Variants in GPHN observed in about 807,000 individuals in gnomAD.
The protein encoded by GPHN is gephyrin.
Under a neutral mutation model 95.5 loss-of-function variants are expected in GPHN, and 17 were observed. The observed-to-expected ratio is 0.18, with a 90% CI of 0.12 to 0.27. The LOEUF (loss-of-function observed/expected upper bound fraction) is 0.27. Ranked by LOEUF, GPHN falls within the 10% of genes least tolerant of loss-of-function variation. GPHN has a pLI of 1.00. For missense variants in GPHN, 660 were observed against 978.1 expected, an observed-to-expected ratio of 0.67 and a Z score of 4.34; for synonymous variants, 320 against 322.5, an observed-to-expected ratio of 0.99 and a Z score of 0.08.
chr14:67,263,756 A>G, the GPHN span, among the ~76,000 whole-genome samples: 2 of 152,218 alleles, frequency 1.3e-5, no homozygotes, highest in Admixed American at 6.5e-5. Context: ...GAGAAGATAT[A>G]TAGGAAACTG....
chr14:67,439,578 TTTCTTTCTTTCTTTC>T, the GPHN span, among the ~76,000 whole-genome samples: 2 of 107,722 alleles, frequency 1.9e-5, no homozygotes, highest in African/African-American at 6.2e-5. Flanking sequence ...TCTTTCTTTC[TTTCTTTCTTTCTTTC>T]TTCTTTCTTT....
chr14:66,674,794 C>A (rs576335821), intron 1 of GPHN, among the ~76,000 whole-genome samples: 1 of 152,208 alleles, frequency 6.6e-6, no homozygotes, highest in African/African-American at 2.4e-5. Context: ...ATGTAAGTAT[C>A]CCTTTGACAT....
chr14:66,816,241 A>T (rs1301824687), intron 3 of GPHN, among the ~76,000 whole-genome samples: 1 of 152,188 alleles, frequency 6.6e-6, no homozygotes, highest in Non-Finnish European at 1.5e-5. Context: ...ACAATATTAG[A>T]TCACTGAGAA....
chr14:67,552,958 GA>G, the GPHN span, among the ~76,000 whole-genome samples: 1 of 152,104 alleles, frequency 6.6e-6, no homozygotes, highest in Non-Finnish European at 1.5e-5. Context: ...ATCCGGAGGG[GA>G]AAAAATGCTC....
chr14:67,017,301 T>C (rs1594828063), intron 9 of GPHN, among the ~76,000 whole-genome samples: 1 of 152,106 alleles, frequency 6.6e-6, no homozygotes, highest in East Asian at 1.9e-4. Flanking sequence ...CAATTATCCA[T>C]TTGTGTTTAA....
the GPHN span, among the ~76,000 whole-genome samples, chr14:67,379,341 G>GA: frequency 6.6e-6 from 1 of 152,160 alleles, no homozygotes; most frequent in South Asian, 2.1e-4. Context: ...CTAGTCTAAT[G>GA]AATTCACAGT....
At chr14:66,830,196 A>G (rs144914819) in intron 4 of GPHN, among the ~76,000 whole-genome samples, 284 of 152,050 alleles carry the variant, frequency 1.9e-3, no homozygotes, top group African/African-American at 6.5e-3. Flanking sequence ...CTTTACTCAC[A>G]TTTTTTTATT....
At chr14:67,473,240 C>T in the GPHN span, 12 of 791,882 alleles carry the variant, frequency 1.5e-5, no homozygotes, top group East Asian at 1.9e-4. This position sits in a 1 kb window ranked among gnomAD's most constrained non-coding sequence, Gnocchi z 6.5. Flanking sequence ...CATCCCCCAA[C>T]ACCTGACCAC....
intron 4 of GPHN, among the ~76,000 whole-genome samples, chr14:66,879,135 C>T (rs756751052): frequency 6.6e-6 from 1 of 152,060 alleles, no homozygotes; most frequent in Non-Finnish European, 1.5e-5. Flanking sequence ...CATGTTCTCA[C>T]TCATAAGTGG....
At chr14:67,317,668 T>C in the GPHN span, among the ~76,000 whole-genome samples, 1 of 152,212 alleles carries the variant, frequency 6.6e-6, no homozygotes, top group Non-Finnish European at 1.5e-5. Flanking sequence ...TCAAGTACTA[T>C]TTAGCATATG....
At position 66,615,670 on chromosome 14, in the gene GPHN, T is replaced by C. The variant is rs192100738; in HGVS notation, c.65-65437T>C. Among the ~76,000 whole-genome samples the C allele has an allele frequency of 1.8e-3, 271 of 152,202 alleles. 1 individual carries two copies. Among genetic ancestry groups the C allele is most frequent in the African/African-American group, 6.2e-3 (259 of 41,574 alleles). Reference sequence around the variant, plus strand: ...ATTTTCTCCCATTCTGTAGGTTGCCTATTCATTCTGATGATAGTTTCTTTT... The same window carrying C: ...ATTTTCTCCCATTCTGTAGGTTGCCCATTCATTCTGATGATAGTTTCTTTT... On this transcript the variant is annotated intron_variant, in intron 1 of 22. Coordinates refer to ENST00000478722, the MANE Select transcript of GPHN (RefSeq NM_020806.5).
chr14:67,170,098 A>T (rs192543907), intron 21 of GPHN, among the ~76,000 whole-genome samples: 50 of 152,310 alleles, frequency 3.3e-4, no homozygotes, highest in Admixed American at 1.5e-3. Flanking sequence ...ATAAAAAGAT[A>T]AAATATTTTA....
At chr14:66,802,128 G>A (rs2060377277) in intron 3 of GPHN, among the ~76,000 whole-genome samples, 1 of 152,170 alleles carries the variant, frequency 6.6e-6, no homozygotes, top group African/African-American at 2.4e-5. Flanking sequence ...GTCCTTAGAT[G>A]TCCACCTAGT....
chr14:66,715,693 A>C (rs1452690749), intron 2 of GPHN, among the ~76,000 whole-genome samples: 1 of 152,112 alleles, frequency 6.6e-6, no homozygotes, highest in Non-Finnish European at 1.5e-5. Flanking sequence ...ATTGTAGTTC[A>C]GTTCAAATAA....
At chr14:67,464,646 T>G in the GPHN span, among the ~76,000 whole-genome samples, 3 of 152,236 alleles carry the variant, frequency 2.0e-5, no homozygotes, top group Non-Finnish European at 4.4e-5. Context: ...ACAGGGGGAC[T>G]GTCATCACGA....
At chr14:67,128,399 G>A (rs2079473304) in intron 17 of GPHN, among the ~76,000 whole-genome samples, 1 of 151,924 alleles carries the variant, frequency 6.6e-6, no homozygotes, top group Admixed American at 6.6e-5. Context: ...TGAGACGACA[G>A]ACACCCACCA....
Position 67,181,202 on chromosome 14 carries a change from T to C in GPHN, c.*265T>C. On this transcript the variant is annotated 3_prime_UTR_variant, in exon 23 of 23. Coordinates refer to ENST00000478722, the MANE Select transcript of GPHN (RefSeq NM_020806.5). ...TGCTTTGTGTGTTCAATGCTAGGTC[T>C]GATAGCGATAGCTTTTAGTAGACAG... 1 of 517,312 alleles carries C rather than the reference T, an allele frequency of 1.9e-6. No homozygotes were observed. The highest frequency in any genetic ancestry group is 3.2e-5 in the Admixed American group (1 of 31,206). The allele number at this position is 517,312 out of a possible 1,614,324, so 32.0% of individuals were successfully genotyped here.
intron 1 of GPHN, among the ~76,000 whole-genome samples, chr14:66,580,844 C>T (rs532966654): frequency 1.3e-4 from 19 of 151,308 alleles, no homozygotes; most frequent in East Asian, 1.9e-4. Context: ...ACCATGATAC[C>T]GAAGTCAAAG....
At chr14:67,276,817 C>T in the GPHN span, among the ~76,000 whole-genome samples, 1 of 152,092 alleles carries the variant, frequency 6.6e-6, no homozygotes, top group African/African-American at 2.4e-5. Flanking sequence ...GAATTTTGAC[C>T]TGGATGACCT....
Sources: gnomAD v4.1 joint callset for allele counts (sites outside exome capture counted in the v4.1 genomes callset) on GRCh38, gnomAD v4.1.1 for gene constraint, Gnocchi (gnomAD v3.1) non-coding constraint, MANE v1.5 for transcripts, NCBI Gene and HGNC (gene_info 2026-07-23, HGNC 2026-07-21) for gene names.